The following SDK1 variants were observed in gnomAD, a reference collection of about 807,000 sequenced individuals.
SDK1 encodes protein sidekick-1.
SDK1 carries 157 observed loss-of-function variants against 245.5 expected under a neutral mutation model. The observed-to-expected ratio is 0.64, with a 90% CI of 0.56 to 0.73. SDK1 has a LOEUF of 0.73. Among genes scored for constraint, SDK1 ranks in the 30% least tolerant of loss-of-function variants. SDK1 has a pLI of 0.00. For synonymous variants in SDK1, 1,647 were observed against 1,278.5 expected (o/e 1.29, Z -6.15); for missense variants, 3,583 against 3,002.3 (o/e 1.19, Z -4.52).
intron 22 of SDK1, among the ~76,000 whole-genome samples, chr7:4,098,632 A>ATGT (rs1015409292): frequency 3.3e-5 from 5 of 150,678 alleles, no homozygotes; most frequent in African/African-American, 1.2e-4. Context: ...AGGAGGAGGG[A>ATGT]TGTGAGAGGG....
chr7:4,070,710 ATTT>A (rs60441124), intron 20 of SDK1, among the ~76,000 whole-genome samples: 8 of 143,902 alleles, frequency 5.6e-5, no homozygotes, highest in Admixed American at 1.4e-4. Flanking sequence ...CACCTCTCAA[ATTT>A]TTTTTTTTTT....
chr7:3,838,685 G>A (rs1316968141), intron 5 of SDK1, among the ~76,000 whole-genome samples: 2 of 152,336 alleles, frequency 1.3e-5, no homozygotes, highest in African/African-American at 2.4e-5. Context: ...ATCTGAGGGA[G>A]CTGATGGGAT....
At chr7:3,892,477 C>T (rs995635811) in intron 5 of SDK1, among the ~76,000 whole-genome samples, 1 of 152,190 alleles carries the variant, frequency 6.6e-6, no homozygotes. Context: ...GCCGTCCCCT[C>T]CTCCCACAAG....
intron 13 of SDK1, among the ~76,000 whole-genome samples, chr7:3,982,128 G>A (rs1783453588): frequency 6.6e-6 from 1 of 152,184 alleles, no homozygotes; most frequent in Non-Finnish European, 1.5e-5. Context: ...AAATCTTAGG[G>A]CTCTTAAGAA....
Position 4,025,941 on chromosome 7 carries a change from C to G in SDK1, c.2602+8589C>G, listed in dbSNP as rs17134187. On this transcript the variant is annotated intron_variant, in intron 17 of 44. Transcript: ENST00000404826. ...CGCCCACACTGAGCCTGGCTTTGCT[C>G]AGGAGCCTAAATGCAGAATCTTTCC... Among the ~76,000 whole-genome samples, 1,128 of 152,332 alleles carry G rather than the reference C, an allele frequency of 7.4e-3. 11 individuals carry two copies. Among genetic ancestry groups the G allele is most frequent in the African/African-American group, 0.025 (1,052 of 41,578 alleles).
At chr7:3,369,799 G>A (rs1309576095) in intron 1 of SDK1, among the ~76,000 whole-genome samples, 1 of 152,180 alleles carries the variant, frequency 6.6e-6, no homozygotes, top group East Asian at 1.9e-4. Context: ...CCCATGAAAT[G>A]TGTGGTAGAT....
chr7:3,885,593 T>C (rs1781318885), intron 5 of SDK1, among the ~76,000 whole-genome samples: 2 of 152,192 alleles, frequency 1.3e-5, no homozygotes, highest in African/African-American at 4.8e-5. Context: ...TTCCTCCCTC[T>C]TGATGGTGTG....
intron 1 of SDK1, among the ~76,000 whole-genome samples, chr7:3,470,982 C>G (rs1400777614): frequency 6.6e-6 from 1 of 152,162 alleles, no homozygotes; most frequent in East Asian, 1.9e-4. Context: ...AAGTATCTTT[C>G]TTTCCTCCTC....
chr7:3,641,830 G>A (rs774736413), intron 3 of SDK1, 128 bp from the exon 4 acceptor site: 15 of 763,528 alleles, frequency 2.0e-5, no homozygotes, highest in Non-Finnish European at 2.8e-5. Flanking sequence ...GTGCAGTCTC[G>A]CTCGTCCTGG....
At chr7:3,805,514 C>G (rs922406700) in intron 4 of SDK1, among the ~76,000 whole-genome samples, 2 of 152,160 alleles carry the variant, frequency 1.3e-5, no homozygotes, top group African/African-American at 4.8e-5. Flanking sequence ...CTGCCCTGAC[C>G]TATAATTAAC....
chr7:3,335,420 C>CTT (rs5881977), intron 1 of SDK1, among the ~76,000 whole-genome samples: 16 of 145,568 alleles, frequency 1.1e-4, no homozygotes, highest in Admixed American at 2.7e-4. Context: ...TGGTACTTAT[C>CTT]TTTTTTTTTT....
At chr7:3,388,874 C>T (rs1376521630) in intron 1 of SDK1, among the ~76,000 whole-genome samples, 1 of 152,102 alleles carries the variant, frequency 6.6e-6, no homozygotes, top group Non-Finnish European at 1.5e-5. Flanking sequence ...AGAAGGTGGC[C>T]TGCCCAAATG....
intron 5 of SDK1, among the ~76,000 whole-genome samples, chr7:3,861,696 A>C (rs1318850766): frequency 1.3e-5 from 2 of 152,214 alleles, no homozygotes; most frequent in African/African-American, 4.8e-5. Flanking sequence ...TAATTCACCA[A>C]GATTGATTTG....
rs940934661 is a variant in SDK1, at chr7:3,444,058, C to G, written c.298+142174C>G. Among the ~76,000 whole-genome samples the G allele has an allele frequency of 1.1e-3, 162 of 152,356 alleles. 1 individual carries two copies. Among genetic ancestry groups the G allele is most frequent in the Non-Finnish European group, 2.2e-4 (15 of 68,024 alleles). On this transcript the variant is annotated intron_variant, in intron 1 of 44. Transcript: ENST00000404826. ...TGCAGCCTTCCTGCCTGCGCCAGCTCTCTCCCAGACTCCTATACTGCTCTT... is the reference window on the plus strand; with the variant it reads ...TGCAGCCTTCCTGCCTGCGCCAGCTGTCTCCCAGACTCCTATACTGCTCTT...
At chr7:4,214,846 G>C (rs1784702567) in intron 38 of SDK1, among the ~76,000 whole-genome samples, 1 of 152,132 alleles carries the variant, frequency 6.6e-6, no homozygotes, top group African/African-American at 2.4e-5. Context: ...CCCCGCCGGG[G>C]TCTTTCCCGC....
intron 5 of SDK1, among the ~76,000 whole-genome samples, chr7:3,934,930 A>G (rs375788224): frequency 6.6e-6 from 1 of 152,220 alleles, no homozygotes; most frequent in African/African-American, 2.4e-5. Context: ...AGGCAACCCC[A>G]GGGAGACTGT....
At chr7:3,778,836 C>G (rs1780640272) in intron 4 of SDK1, among the ~76,000 whole-genome samples, 1 of 152,138 alleles carries the variant, frequency 6.6e-6, no homozygotes, top group Non-Finnish European at 1.5e-5. Flanking sequence ...TCAATGATTA[C>G]AAATTATAGA....
At chr7:4,209,951 G>A (rs976616851) in intron 37 of SDK1, 74 bp from the exon 38 acceptor site, 31 of 1,229,858 alleles carry the variant, frequency 2.5e-5, no homozygotes, top group East Asian at 5.4e-5. Context: ...TATTCTATAC[G>A]GAGGCACAGA....
In SDK1 at chr7:4,208,270, C is replaced by T. The variant is rs747699950; in HGVS notation, c.5386C>T (p.Arg1796Cys). 23 of 1,613,056 alleles carry T rather than the reference C, an allele frequency of 1.4e-5. No individual in the cohort carries two copies. The Admixed American group carries it at 1.7e-4, about 12-fold the overall frequency. ...ACCTAAGAGTGACCCCCAGCAGGGG[C>T]GCACCCACCAGGCCGGTAGGAGGAA... The part of the protein sequence containing the change: ...DGPKSDPQQG[R>C]THQAAPGAPS... The change falls in exon 37 of 45, where the codon CGC becomes TGC. Residue 1796 changes from arginine to cysteine, a missense_variant. By Grantham distance (180) the Arg-to-Cys change is radical. Coordinates refer to ENST00000404826, the MANE Select transcript of SDK1 (RefSeq NM_152744.4).
Sources: allele counts gnomAD v4.1 joint callset (sites outside exome capture counted in the v4.1 genomes callset), GRCh38; gene constraint gnomAD v4.1.1; transcripts MANE v1.5; gene names NCBI Gene and HGNC (gene_info 2026-07-23, HGNC 2026-07-21).